The following TAOK3 variants were observed in gnomAD, a reference collection of about 807,000 sequenced individuals.
TAOK3 encodes serine/threonine-protein kinase TAO3.
In TAOK3, 40 loss-of-function variants were observed where a neutral mutation model predicts 120.4. The observed-to-expected ratio is 0.33, with a 90% CI of 0.26 to 0.43. TAOK3 has a LOEUF of 0.43. TAOK3 is among the 20% of genes least tolerant of loss of function. TAOK3 has a pLI of 1.00. For missense variants in TAOK3, 821 were observed against 1,112.1 expected (o/e 0.74, Z 3.72); for synonymous variants, 355 against 387.5 (o/e 0.92, Z 0.99).
intron 2 of TAOK3, among the ~76,000 whole-genome samples, chr12:118,263,316 A>T (rs973795179): frequency 6.6e-6 from 1 of 152,220 alleles, no homozygotes; most frequent in Non-Finnish European, 1.5e-5. Context: ...TTTGGTCCAT[A>T]CTAACAACCT....
intron 3 of TAOK3, among the ~76,000 whole-genome samples, chr12:118,247,829 A>G (rs1213450124): frequency 6.6e-6 from 1 of 152,186 alleles, no homozygotes; most frequent in African/African-American, 2.4e-5. Context: ...CTTATTTAAA[A>G]TATTTAAAAC....
At position 118,172,443 on chromosome 12, in the gene TAOK3, A is replaced by G; in HGVS notation, c.1899+14T>C. 6.2e-7 allele frequency: 1 copy of G among 1,613,638 alleles called. No individual in the cohort carries two copies. The highest frequency in any genetic ancestry group is 8.5e-7 in the Non-Finnish European group (1 of 1,179,556). ...TCCTATGTCAATGACAATAGTTACGAGCGTAATAAATACCTCCCGAATGTT... is the reference window on the plus strand; with the variant it reads ...TCCTATGTCAATGACAATAGTTACGGGCGTAATAAATACCTCCCGAATGTT... On this transcript the variant is annotated intron_variant, in intron 17 of 20. Transcript: ENST00000392533.
chr12:118,164,970 T>C (rs1449767406), intron 17 of TAOK3, among the ~76,000 whole-genome samples: 8 of 152,276 alleles, frequency 5.3e-5, no homozygotes, highest in African/African-American at 1.9e-4. Context: ...ATTGAGCACC[T>C]ACTATGTGCT....
chr12:118,186,634 A>G (rs989261047), intron 14 of TAOK3, among the ~76,000 whole-genome samples: 1 of 152,202 alleles, frequency 6.6e-6, no homozygotes, highest in African/African-American at 2.4e-5. Context: ...CTTACAGAAG[A>G]AGGAAAAGAA....
chr12:118,291,684 T>C (rs1593433897), intron 1 of TAOK3, among the ~76,000 whole-genome samples: 1 of 152,192 alleles, frequency 6.6e-6, no homozygotes, highest in East Asian at 1.9e-4. Context: ...CAATAATCTG[T>C]TTTAATGGAC....
chr12:118,314,506 A>G (rs535500758), intron 1 of TAOK3, among the ~76,000 whole-genome samples: 42 of 152,182 alleles, frequency 2.8e-4, no homozygotes, highest in Non-Finnish European at 4.3e-4. Flanking sequence ...GATTTTGGGA[A>G]CTAGTGACAT....
chr12:118,293,869 G>C (rs1566076238), intron 1 of TAOK3, among the ~76,000 whole-genome samples: 1 of 151,240 alleles, frequency 6.6e-6, no homozygotes, highest in African/African-American at 2.4e-5. Flanking sequence ...CAAAAAATTA[G>C]CTGGGCATGG....
At chr12:118,254,914 C>T (rs1434600436) in intron 3 of TAOK3, among the ~76,000 whole-genome samples, 7 of 152,018 alleles carry the variant, frequency 4.6e-5, no homozygotes, top group African/African-American at 1.2e-4. Flanking sequence ...CCTGCCACCA[C>T]GCCTGGCTAA....
intron 1 of TAOK3, among the ~76,000 whole-genome samples, chr12:118,267,269 G>A (rs891709650): frequency 4.6e-5 from 7 of 152,036 alleles, no homozygotes; most frequent in Non-Finnish European, 1.0e-4. Context: ...AGGCTGGAGT[G>A]CAGTGGCATG....
chr12:118,315,732 A>ATT (rs2043434009), intron 1 of TAOK3, among the ~76,000 whole-genome samples: 1 of 152,248 alleles, frequency 6.6e-6, no homozygotes, highest in African/African-American at 2.4e-5. Context: ...AAATCTAAAA[A>ATT]TGAAAGTGAT....
intron 14 of TAOK3, among the ~76,000 whole-genome samples, chr12:118,185,658 CT>C (rs377142364): frequency 1.3e-5 from 2 of 152,278 alleles, no homozygotes; most frequent in African/African-American, 4.8e-5. Context: ...AAAGTAATGA[CT>C]GATAACAGGC....
At chr12:118,261,162 C>G (rs924806349) in intron 2 of TAOK3, among the ~76,000 whole-genome samples, 13 of 152,098 alleles carry the variant, frequency 8.5e-5, no homozygotes, top group African/African-American at 2.4e-4. Flanking sequence ...AACCCACGAC[C>G]CAGAGCATCA....
At chr12:118,326,500 A>G (rs1224379989) in intron 1 of TAOK3, among the ~76,000 whole-genome samples, 4 of 151,950 alleles carry the variant, frequency 2.6e-5, no homozygotes, top group South Asian at 2.1e-4. Flanking sequence ...CTGCATATAA[A>G]TTGTTTGCAT....
intron 1 of TAOK3, among the ~76,000 whole-genome samples, chr12:118,348,851 T>C (rs2141199258): frequency 1.3e-5 from 2 of 150,598 alleles, no homozygotes; most frequent in East Asian, 3.9e-4. Context: ...ATTTCTTTTT[T>C]TTTTTTTTTT....
At chr12:118,255,693 A>T in intron 2 of TAOK3, 38 bp from the exon 3 acceptor site, 1 of 1,010,016 alleles carries the variant, frequency 9.9e-7, no homozygotes, top group East Asian at 2.5e-5. Flanking sequence ...ATTATTTCTA[A>T]CACATTTTAC....
Position 118,160,365 on chromosome 12 carries a change from A to G in TAOK3, c.2140-7T>C, listed in dbSNP as rs752845950. The G allele has an allele frequency of 5.0e-5, 81 of 1,610,986 alleles. No individual in the cohort carries two copies. The highest frequency in any genetic ancestry group is 6.5e-5 in the Non-Finnish European group (77 of 1,178,252). On this transcript the variant is annotated splice_polypyrimidine_tract_variant and splice_region_variant and intron_variant, in intron 18 of 20. Transcript: ENST00000392533. This position sits in a 1 kb window ranked among gnomAD's most constrained non-coding sequence, Gnocchi z 4.2. ...TAATTTGCATTTCCATGGCCTGGGT[A>G]GAAAAAGTGACAAAGGAAAAATAAA... is the stretch of plus-strand genomic sequence containing the variant.
intron 1 of TAOK3, among the ~76,000 whole-genome samples, chr12:118,313,796 GT>G (rs959552402): frequency 2.0e-5 from 3 of 152,152 alleles, no homozygotes; most frequent in African/African-American, 7.2e-5. Context: ...AACTTCTTAT[GT>G]AAAAATCAAA....
intron 15 of TAOK3, among the ~76,000 whole-genome samples, chr12:118,180,104 C>G (rs142919947): frequency 6.7e-6 from 1 of 150,178 alleles, no homozygotes; most frequent in Non-Finnish European, 1.5e-5. Flanking sequence ...TCTGCCACCA[C>G]GCCCAGCTAA....
intron 1 of TAOK3, among the ~76,000 whole-genome samples, chr12:118,329,136 G>A (rs1024468701): frequency 2.0e-5 from 3 of 152,164 alleles, no homozygotes; most frequent in African/African-American, 4.8e-5. Context: ...AAGGGGGGCA[G>A]TTAATGCAAA....
Sources: allele counts gnomAD v4.1 joint callset (sites outside exome capture counted in the v4.1 genomes callset), GRCh38; gene constraint gnomAD v4.1.1; non-coding constraint Gnocchi (gnomAD v3.1); transcripts MANE v1.5; gene names NCBI Gene and HGNC (gene_info 2026-07-23, HGNC 2026-07-21).